DNM3: variants seen among roughly 807,000 people sequenced by gnomAD.
DNM3 encodes dynamin-3.
A neutral mutation model predicts 101.6 loss-of-function variants in DNM3; 47 were observed. The ratio of observed to expected loss-of-function variants is 0.46; its 90% CI spans 0.37 to 0.59. The LOEUF is 0.59. DNM3 is among the 20% of genes least tolerant of loss of function. DNM3 has a pLI of 0.00. For missense variants in DNM3, 849 were observed against 1,085.7 expected, an observed-to-expected ratio of 0.78 and a Z score of 3.06; for synonymous variants, 385 against 387.9, an observed-to-expected ratio of 0.99 and a Z score of 0.09.
intron 4 of DNM3, among the ~76,000 whole-genome samples, chr1:172,022,562 A>G (rs532749211): frequency 1.3e-5 from 2 of 152,234 alleles, no homozygotes; most frequent in Non-Finnish European, 2.9e-5. Context: ...TATTAGAGCT[A>G]TAAATATATA....
intron 4 of DNM3, among the ~76,000 whole-genome samples, chr1:172,026,958 AT>A (rs902337775): frequency 6.6e-6 from 1 of 152,106 alleles, no homozygotes; most frequent in Non-Finnish European, 1.5e-5. Flanking sequence ...AAAGAAAAGA[AT>A]TTTCAACCCA....
At chr1:172,251,214 G>C (rs1215031613) in intron 14 of DNM3, among the ~76,000 whole-genome samples, 6 of 152,036 alleles carry the variant, frequency 3.9e-5, no homozygotes, top group African/African-American at 1.2e-4. Flanking sequence ...ATGATGCTAA[G>C]ACTGTATTTT....
rs575733774 is a variant in DNM3 at position 172,304,206 on chromosome 1, C to CAAAAAAAAAAAAAAAAAAAAAAAAAAAA, written c.1770-4506_1770-4505insAAAAAAAAAAAAAAAAAAAAAAAAAAAA. Among the ~76,000 whole-genome samples the CAAAAAAAAAAAAAAAAAAAAAAAAAAAA allele has an allele frequency of 3.3e-4, 12 of 36,376 alleles. 1 individual carries two copies. Among genetic ancestry groups the CAAAAAAAAAAAAAAAAAAAAAAAAAAAA allele is most frequent in the South Asian group, 1.0e-3 (1 of 970 alleles). The allele number at this position is 36,376 out of a possible 152,430, so 23.9% of individuals were successfully genotyped here. On this transcript the variant is annotated intron_variant, in intron 15 of 20. Transcript: ENST00000627582. ...GAATATCTACCATGCAAAAGGAAAG[C>CAAAAAAAAAAAAAAAAAAAAAAAAAAAA]AAAAAAAAAAAAAAAACAGGAGTTG...
intron 17 of DNM3, among the ~76,000 whole-genome samples, chr1:172,371,251 T>A (rs1461397709): frequency 2.0e-5 from 3 of 152,022 alleles, no homozygotes; most frequent in Non-Finnish European, 4.4e-5. Flanking sequence ...CTGAAGATTG[T>A]CAGTGTTCTC....
chr1:172,100,286 G>C (rs1420736984), intron 13 of DNM3, among the ~76,000 whole-genome samples: 1 of 151,994 alleles, frequency 6.6e-6, no homozygotes, highest in East Asian at 1.9e-4. Context: ...TTCCAAACAG[G>C]GTTTCTTCTC....
chr1:172,149,491 G>T (rs948484458), intron 14 of DNM3, among the ~76,000 whole-genome samples: 1 of 152,112 alleles, frequency 6.6e-6, no homozygotes, highest in African/African-American at 2.4e-5. Context: ...AATTGTTGCT[G>T]GCCTTTTCAG....
At chr1:172,184,419 T>G (rs1255877977) in intron 14 of DNM3, among the ~76,000 whole-genome samples, 1 of 151,874 alleles carries the variant, frequency 6.6e-6, no homozygotes, top group East Asian at 1.9e-4. Context: ...CAGTTGGGAG[T>G]TGGTGATTGA....
chr1:172,396,339 A>G (rs1266817692), intron 20 of DNM3, among the ~76,000 whole-genome samples: 3 of 152,230 alleles, frequency 2.0e-5, no homozygotes, highest in East Asian at 1.9e-4. Context: ...GCTTAGAGAC[A>G]TGTAAAATTC....
intron 4 of DNM3, among the ~76,000 whole-genome samples, chr1:172,017,562 G>A (rs2047532378): frequency 6.6e-6 from 1 of 152,080 alleles, no homozygotes; most frequent in African/African-American, 2.4e-5. Context: ...AACAGACATT[G>A]TATGATTTCT....
intron 1 of DNM3, among the ~76,000 whole-genome samples, chr1:171,873,694 G>C (rs2035501289): frequency 6.6e-6 from 1 of 152,184 alleles, no homozygotes; most frequent in African/African-American, 2.4e-5. Context: ...CTGTAAAAAT[G>C]CCTGATGTTC....
intron 2 of DNM3, among the ~76,000 whole-genome samples, chr1:171,961,609 C>G (rs1190210666): frequency 6.6e-6 from 1 of 152,116 alleles, no homozygotes; most frequent in African/African-American, 2.4e-5. Flanking sequence ...TGTATATACT[C>G]AAAAGATTGG....
intron 18 of DNM3, among the ~76,000 whole-genome samples, chr1:172,379,683 C>T (rs12138803): frequency 0.22 from 33,865 of 151,806 alleles, 3,975 homozygotes; most frequent in Non-Finnish European, 0.26. Context: ...TTTATTCCCT[C>T]GGATTAAAAA....
intron 18 of DNM3, 55 bp downstream of exon 18, chr1:172,379,237 T>G (rs1213569401): frequency 7.2e-7 from 1 of 1,387,306 alleles, no homozygotes; most frequent in African/African-American, 1.4e-5. Flanking sequence ...AGTGTGGAAG[T>G]TGCACATATT....
intron 7 of DNM3, among the ~76,000 whole-genome samples, chr1:172,041,426 T>C (rs949659622): frequency 6.6e-6 from 1 of 152,140 alleles, no homozygotes; most frequent in Admixed American, 6.6e-5. Context: ...TTTAAGTGTG[T>C]TGAGTTCAAG....
chr1:172,162,784 T>C (rs1266919902), intron 14 of DNM3, among the ~76,000 whole-genome samples: 1 of 152,142 alleles, frequency 6.6e-6, no homozygotes, highest in African/African-American at 2.4e-5. Flanking sequence ...TCTATTTTAA[T>C]CTATACTGAG....
intron 4 of DNM3, among the ~76,000 whole-genome samples, chr1:171,990,296 G>C: frequency 6.6e-6 from 1 of 152,218 alleles, no homozygotes; most frequent in Middle Eastern, 3.4e-3. Context: ...CATGAGAGTG[G>C]AGCACCAAAA....
At chr1:171,910,876 A>G (rs949317028) in intron 1 of DNM3, among the ~76,000 whole-genome samples, 4 of 152,186 alleles carry the variant, frequency 2.6e-5, no homozygotes, top group African/African-American at 9.7e-5. Flanking sequence ...GGGCATCTAA[A>G]TATGCCGGCA....
chr1:172,315,567 A>G (rs980528311), intron 16 of DNM3, among the ~76,000 whole-genome samples: 9 of 152,366 alleles, frequency 5.9e-5, no homozygotes, highest in Admixed American at 3.3e-4. Context: ...CTGAAAGCCA[A>G]CGCTCGAGAA....
At chr1:172,214,876 A>G (rs183725755) in intron 14 of DNM3, among the ~76,000 whole-genome samples, 2 of 152,116 alleles carry the variant, frequency 1.3e-5, no homozygotes, top group African/African-American at 4.8e-5. Context: ...GGGCATATTG[A>G]TCAGAGAAAG....
Sources: gnomAD v4.1 joint callset for allele counts (sites outside exome capture counted in the v4.1 genomes callset) on GRCh38, gnomAD v4.1.1 for gene constraint, MANE v1.5 for transcripts, NCBI Gene and HGNC (gene_info 2026-07-23, HGNC 2026-07-21) for gene names.